WWOX: variants seen among roughly 807,000 people sequenced by gnomAD.
The protein encoded by WWOX is WW domain containing oxidoreductase.
In WWOX, 69 loss-of-function variants were observed where a neutral mutation model predicts 46.2. That is an observed-to-expected ratio of 1.49 (90% CI 1.23 to 1.82). WWOX has a LOEUF of 1.82. Among genes scored for constraint, WWOX ranks in the 40% most tolerant of loss-of-function variants. WWOX has a pLI of 0.00. For synonymous variants in WWOX, 359 were observed against 202.6 expected, an observed-to-expected ratio of 1.77 and a Z score of -6.56; for missense variants, 919 against 542.6, an observed-to-expected ratio of 1.69 and a Z score of -6.89.
chr16:78,377,460 A>G (rs1232535578), intron 5 of WWOX, among the ~76,000 whole-genome samples: 2 of 152,196 alleles, frequency 1.3e-5, no homozygotes, highest in East Asian at 1.9e-4. Context: ...CTTGCCTGCA[A>G]TCCTTCAGGA....
At chr16:78,714,630 C>T (rs1048479998) in intron 8 of WWOX, among the ~76,000 whole-genome samples, 1 of 152,136 alleles carries the variant, frequency 6.6e-6, no homozygotes, top group Non-Finnish European at 1.5e-5. Flanking sequence ...AGTGTGGAAG[C>T]AGAGTGTCCC....
intron 8 of WWOX, among the ~76,000 whole-genome samples, chr16:79,009,610 C>A (rs1216358693): frequency 2.0e-5 from 3 of 152,156 alleles, no homozygotes; most frequent in African/African-American, 4.8e-5. Flanking sequence ...GCCACCACAC[C>A]TGACTAATGT....
intron 8 of WWOX, among the ~76,000 whole-genome samples, chr16:79,032,829 G>A (rs897300343): frequency 6.6e-5 from 10 of 151,400 alleles, no homozygotes; most frequent in South Asian, 2.1e-4. Context: ...GTAAACTGGC[G>A]TGATGGGGGT....
chr16:78,708,267 A>G (rs531508617), intron 8 of WWOX, among the ~76,000 whole-genome samples: 7 of 152,208 alleles, frequency 4.6e-5, no homozygotes, highest in Non-Finnish European at 1.0e-4. Context: ...TTAAAAATGT[A>G]TCCCATGCAG....
intron 8 of WWOX, among the ~76,000 whole-genome samples, chr16:78,812,593 G>A (rs1240968602): frequency 1.3e-5 from 2 of 151,876 alleles, no homozygotes; most frequent in Admixed American, 6.6e-5. Context: ...AGGCCTAGGC[G>A]CAGGCACCTG....
intron 8 of WWOX, among the ~76,000 whole-genome samples, chr16:79,049,709 G>A (rs1400843365): frequency 3.3e-5 from 5 of 151,870 alleles, no homozygotes; most frequent in African/African-American, 4.8e-5. Flanking sequence ...GGTGGCCGGC[G>A]CCTGTAATCC....
intron 8 of WWOX, among the ~76,000 whole-genome samples, chr16:78,803,302 G>T (rs923370862): frequency 6.6e-6 from 1 of 151,454 alleles, no homozygotes; most frequent in Non-Finnish European, 1.5e-5. Flanking sequence ...TAGTGGCTTC[G>T]CAGAGTATTT....
chr16:78,598,944 G>A (rs1449049849), intron 8 of WWOX, among the ~76,000 whole-genome samples: 1 of 152,196 alleles, frequency 6.6e-6, no homozygotes, highest in Non-Finnish European at 1.5e-5. Flanking sequence ...GGAAACTGAA[G>A]CACAGGAAGT....
intron 4 of WWOX, among the ~76,000 whole-genome samples, chr16:78,162,329 A>G (rs1173296660): frequency 6.6e-6 from 1 of 152,128 alleles, no homozygotes; most frequent in Non-Finnish European, 1.5e-5. Flanking sequence ...AACTACTTCT[A>G]AAACTATCTG....
At chr16:79,118,094 G>C (rs1041094863) in intron 8 of WWOX, among the ~76,000 whole-genome samples, 2 of 152,356 alleles carry the variant, frequency 1.3e-5, no homozygotes, top group African/African-American at 4.8e-5. Context: ...TTTCGACATG[G>C]CTTTCTCGTT....
Position 78,163,748 on chromosome 16 carries a change from A to G in WWOX, c.410-435A>G, listed in dbSNP as rs74534591. 8.5e-5 allele frequency among the ~76,000 whole-genome samples: 13 copies of G among 152,324 alleles called. No homozygotes were observed. The East Asian group carries it at 2.1e-3, about 25-fold the overall frequency. On this transcript the variant is annotated intron_variant, in intron 4 of 8. Coordinates refer to ENST00000566780, the MANE Select transcript of WWOX (RefSeq NM_016373.4). ...AGCAGAGGTGCTGGCGACACTTACC[A>G]TAGAGTAGAGCATAAAGTCCTTATC...
chr16:78,449,565 A>G (rs1331949703), intron 8 of WWOX, among the ~76,000 whole-genome samples: 1 of 152,092 alleles, frequency 6.6e-6, no homozygotes, highest in Non-Finnish European at 1.5e-5. Flanking sequence ...TATTACGGAT[A>G]AGTTTGTCTT....
intron 5 of WWOX, among the ~76,000 whole-genome samples, chr16:78,370,768 A>C (rs1277323143): frequency 1.7e-5 from 2 of 115,464 alleles, no homozygotes; most frequent in Non-Finnish European, 3.5e-5. Flanking sequence ...TTAAACTTTA[A>C]ACTTTTTTTC....
At chr16:78,607,385 G>C (rs2151625826) in intron 8 of WWOX, among the ~76,000 whole-genome samples, 1 of 152,292 alleles carries the variant, frequency 6.6e-6, no homozygotes, top group African/African-American at 2.4e-5. Flanking sequence ...AGAGACGATG[G>C]AAGAGTTTGG....
intron 8 of WWOX, among the ~76,000 whole-genome samples, chr16:79,180,218 T>G (rs1357123650): frequency 1.3e-5 from 2 of 151,670 alleles, no homozygotes. Flanking sequence ...GAGAGAGAGA[T>G]CAGTAATTTA....
chr16:79,098,658 G>T (rs1263286470), intron 8 of WWOX, among the ~76,000 whole-genome samples: 1 of 152,208 alleles, frequency 6.6e-6, no homozygotes, highest in Admixed American at 6.5e-5. Context: ...TTCCTAAAAT[G>T]TGCAGGGTGT....
chr16:78,753,040 A>T (rs886954475), intron 8 of WWOX, among the ~76,000 whole-genome samples: 1 of 152,182 alleles, frequency 6.6e-6, no homozygotes, highest in African/African-American at 2.4e-5. Flanking sequence ...CACGCCTATA[A>T]TCCCAGCACT....
At chr16:78,763,589 C>T (rs1597570033) in intron 8 of WWOX, among the ~76,000 whole-genome samples, 1 of 152,336 alleles carries the variant, frequency 6.6e-6, no homozygotes, top group East Asian at 1.9e-4. Flanking sequence ...GTATTTTTCA[C>T]TGCCGAGTTG....
intron 5 of WWOX, chr16:78,278,499 T>C: frequency 3.4e-6 from 4 of 1,168,144 alleles, no homozygotes; most frequent in Non-Finnish European, 4.9e-6. Context: ...CTTGAATTTG[T>C]TAATTAATTA....
Sources: gnomAD v4.1 joint callset for allele counts (sites outside exome capture counted in the v4.1 genomes callset) on GRCh38, gnomAD v4.1.1 for gene constraint, MANE v1.5 for transcripts, NCBI Gene and HGNC (gene_info 2026-07-23, HGNC 2026-07-21) for gene names.